Variants in NDST4 observed in about 807,000 individuals in gnomAD.
The protein encoded by NDST4 is N-heparan sulfate sulfotransferase 4.
A neutral mutation model predicts 100.8 loss-of-function variants in NDST4; 63 were observed. The ratio of observed to expected loss-of-function variants is 0.62; its 90% CI spans 0.51 to 0.77. The LOEUF (loss-of-function observed/expected upper bound fraction) is 0.77. Ranked by LOEUF, NDST4 falls within the 30% of genes least tolerant of loss-of-function variation. The probability of loss-of-function intolerance (pLI) is 0.00; values close to 1 mark genes in which losing one functional copy is unlikely to be tolerated. For missense variants in NDST4, 943 were observed against 1,018.4 expected (o/e 0.93, Z 1.01); for synonymous variants, 377 against 361.8 (o/e 1.04, Z -0.48).
chr4:114,877,104 G>A (rs932439999), intron 6 of NDST4, among the ~76,000 whole-genome samples: 2 of 152,014 alleles, frequency 1.3e-5, no homozygotes, highest in African/African-American at 4.8e-5. Context: ...ACGCGCGCAA[G>A]CCTGGGCATA....
intron 2 of NDST4, among the ~76,000 whole-genome samples, chr4:114,997,721 A>G (rs566225566): frequency 1.3e-5 from 2 of 152,206 alleles, no homozygotes; most frequent in East Asian, 3.9e-4. Context: ...TATCTATAGT[A>G]CAGACACAGA....
At chr4:115,064,269 T>A (rs1728885015) in intron 2 of NDST4, among the ~76,000 whole-genome samples, 1 of 152,016 alleles carries the variant, frequency 6.6e-6, no homozygotes, top group Non-Finnish European at 1.5e-5. Flanking sequence ...AAAATAGACA[T>A]CTTTGCAACT....
intron 2 of NDST4, among the ~76,000 whole-genome samples, chr4:114,993,325 T>C (rs1361351497): frequency 2.0e-5 from 3 of 151,894 alleles, no homozygotes; most frequent in Admixed American, 6.6e-5. Context: ...GTGCATTTCT[T>C]CATGTATCTG....
intron 4 of NDST4, among the ~76,000 whole-genome samples, chr4:114,965,671 TG>T (rs1726364250): frequency 6.6e-6 from 1 of 152,066 alleles, no homozygotes; most frequent in Non-Finnish European, 1.5e-5. Context: ...GGATATTTCA[TG>T]TCTGCAACTA....
chr4:114,966,726 C>G (rs918071507), intron 4 of NDST4, among the ~76,000 whole-genome samples: 1 of 152,030 alleles, frequency 6.6e-6, no homozygotes, highest in Non-Finnish European at 1.5e-5. Flanking sequence ...ATAATTGCTT[C>G]AATTCCAGCT....
intron 4 of NDST4, among the ~76,000 whole-genome samples, 175 bp downstream of exon 4, chr4:114,970,255 A>T (rs1457205857): frequency 1.3e-5 from 2 of 152,172 alleles, no homozygotes; most frequent in African/African-American, 2.4e-5. Context: ...TTACATATAC[A>T]CACATGCCTG....
At chr4:115,047,549 A>G (rs1204275360) in intron 2 of NDST4, among the ~76,000 whole-genome samples, 1 of 152,126 alleles carries the variant, frequency 6.6e-6, no homozygotes, top group African/African-American at 2.4e-5. Context: ...TTTAATTCCG[A>G]TAGCTTTGTT....
chr4:114,872,679 A>G (rs1248699259), intron 6 of NDST4, among the ~76,000 whole-genome samples: 1 of 151,960 alleles, frequency 6.6e-6, no homozygotes, highest in African/African-American at 2.4e-5. Flanking sequence ...AGCCCTTTAC[A>G]TATATGAAAT....
chr4:115,031,459 C>A (rs1227669209), intron 2 of NDST4, among the ~76,000 whole-genome samples: 1 of 152,096 alleles, frequency 6.6e-6, no homozygotes, highest in Admixed American at 6.6e-5. Context: ...GCCCTCTCTT[C>A]ACTCTGGTGT....
chr4:114,855,234 G>A (rs931110625), intron 7 of NDST4, among the ~76,000 whole-genome samples: 1 of 151,522 alleles, frequency 6.6e-6, no homozygotes, highest in African/African-American at 2.4e-5. Flanking sequence ...TCTTTGGGTT[G>A]TCTCTAAACT....
chr4:115,075,452 G>A (rs1729157785), intron 2 of NDST4, among the ~76,000 whole-genome samples: 2 of 152,086 alleles, frequency 1.3e-5, no homozygotes, highest in Admixed American at 1.3e-4. Flanking sequence ...AATAAGGGAG[G>A]TTGTTCTAAA....
At chr4:114,943,601 G>T (rs192909349) in intron 4 of NDST4, among the ~76,000 whole-genome samples, 2 of 151,910 alleles carry the variant, frequency 1.3e-5, no homozygotes, top group African/African-American at 4.8e-5. Flanking sequence ...TAATCTCTTC[G>T]TGTAGAGAGA....
intron 1 of NDST4, among the ~76,000 whole-genome samples, chr4:115,079,382 A>C (rs1729256066): frequency 1.3e-5 from 2 of 151,424 alleles, no homozygotes; most frequent in African/African-American, 2.4e-5. Flanking sequence ...AAAAAAAAAA[A>C]TCCCAAACTG....
rs563035933 is a variant in NDST4 at position 114,838,121 on chromosome 4, A to G, written c.2286+1257T>C. On this transcript the variant is annotated intron_variant, in intron 11 of 13. Coordinates refer to ENST00000264363, the MANE Select transcript of NDST4 (RefSeq NM_022569.3). Reference sequence around the variant, plus strand: ...ATGCAAATCAAAACCACAATGAGATACCATCTCATGCCAGTTAGAATGGTG... The same window carrying G: ...ATGCAAATCAAAACCACAATGAGATGCCATCTCATGCCAGTTAGAATGGTG... 6.6e-5 allele frequency among the ~76,000 whole-genome samples: 10 copies of G among 152,352 alleles called. No homozygotes were observed. The East Asian group carries it at 1.7e-3, about 27-fold the overall frequency.
chr4:115,021,899 C>T (rs1171094285), intron 2 of NDST4, among the ~76,000 whole-genome samples: 1 of 147,124 alleles, frequency 6.8e-6, no homozygotes, highest in East Asian at 1.9e-4. Flanking sequence ...CACAGCTATA[C>T]ACATTCCATA....
chr4:114,982,020 T>C (rs1691009246), intron 2 of NDST4, among the ~76,000 whole-genome samples: 1 of 152,018 alleles, frequency 6.6e-6, no homozygotes, highest in South Asian at 2.1e-4. Flanking sequence ...GTGTGGCACT[T>C]CCCCCCAAAC....
At chr4:114,929,022 A>ATCTGTCTG (rs751296369) in intron 6 of NDST4, among the ~76,000 whole-genome samples, 1 of 139,850 alleles carries the variant, frequency 7.2e-6, no homozygotes, top group Admixed American at 7.1e-5. Context: ...ATCCCTATCT[A>ATCTGTCTG]TCTGTCTGTC....
At chr4:114,899,833 G>A (rs1458717467) in intron 6 of NDST4, among the ~76,000 whole-genome samples, 1 of 152,054 alleles carries the variant, frequency 6.6e-6, no homozygotes, top group African/African-American at 2.4e-5. Context: ...GTACTACTAG[G>A]AAAATGATGG....
intron 4 of NDST4, among the ~76,000 whole-genome samples, chr4:114,942,814 A>G (rs1725778203): frequency 6.6e-6 from 1 of 151,902 alleles, no homozygotes; most frequent in Non-Finnish European, 1.5e-5. Flanking sequence ...ATAACAGTTA[A>G]TAAGTGTAAA....
Sources: gnomAD v4.1 joint callset for allele counts (sites outside exome capture counted in the v4.1 genomes callset) on GRCh38, gnomAD v4.1.1 for gene constraint, MANE v1.5 for transcripts, NCBI Gene and HGNC (gene_info 2026-07-23, HGNC 2026-07-21) for gene names.